THADA: variants seen among roughly 807,000 people sequenced by gnomAD.
THADA encodes tRNA (32-2'-O)-methyltransferase regulator THADA.
THADA carries 213 observed loss-of-function variants against 219.8 expected under a neutral mutation model. The observed-to-expected ratio is 0.97, with a 90% confidence interval of 0.87 to 1.09. The LOEUF (loss-of-function observed/expected upper bound fraction) is 1.09. THADA is among the 50% of genes least tolerant of loss of function. The pLI, the probability that THADA is intolerant of heterozygous loss-of-function variation, is 0.00. For missense variants in THADA, 2,956 were observed against 2,311.3 expected, an observed-to-expected ratio of 1.28 and a Z score of -5.72; for synonymous variants, 1,018 against 828.9, an observed-to-expected ratio of 1.23 and a Z score of -3.92.
chr2:43,589,034 T>C (rs922870456), intron 4 of THADA, among the ~76,000 whole-genome samples: 1 of 152,168 alleles, frequency 6.6e-6, no homozygotes, highest in Non-Finnish European at 1.5e-5. Context: ...CTGGTGGGAA[T>C]GTAAAATGTT....
intron 19 of THADA, among the ~76,000 whole-genome samples, chr2:43,550,101 G>T (rs1478220934): frequency 6.6e-6 from 1 of 152,170 alleles, no homozygotes; most frequent in African/African-American, 2.4e-5. Context: ...TCATTACTGA[G>T]TGACGAGTGC....
chr2:43,241,299 G>A (rs1243613171), intron 36 of THADA, among the ~76,000 whole-genome samples: 1 of 151,762 alleles, frequency 6.6e-6, no homozygotes, highest in African/African-American at 2.4e-5. Context: ...ACGTGGCCCA[G>A]GTTGGTCTTA....
intron 26 of THADA, among the ~76,000 whole-genome samples, chr2:43,433,008 A>T: frequency 6.6e-6 from 1 of 152,094 alleles, no homozygotes; most frequent in East Asian, 1.9e-4. Flanking sequence ...TTTCTTTATG[A>T]TTCATGCTTT....
At chr2:43,537,464 T>C (rs889589259) in intron 21 of THADA, among the ~76,000 whole-genome samples, 2 of 152,194 alleles carry the variant, frequency 1.3e-5, no homozygotes, top group Non-Finnish European at 2.9e-5. Context: ...GAACTTGCAT[T>C]GAGTGCAATT....
chr2:43,588,366 C>T (rs963102975), intron 4 of THADA, among the ~76,000 whole-genome samples: 1 of 150,370 alleles, frequency 6.7e-6, no homozygotes, highest in South Asian at 2.1e-4. Context: ...GCACATATAG[C>T]AAGGTATAAA....
intron 31 of THADA, among the ~76,000 whole-genome samples, chr2:43,319,727 G>A (rs1042362279): frequency 6.6e-6 from 1 of 152,156 alleles, no homozygotes; most frequent in South Asian, 2.1e-4. Context: ...TAATCAATTA[G>A]AAGAGGCTGA....
chr2:43,524,706 G>A (rs1692939859), intron 22 of THADA, among the ~76,000 whole-genome samples: 1 of 152,120 alleles, frequency 6.6e-6, no homozygotes, highest in African/African-American at 2.4e-5. Flanking sequence ...GTCTCTAAAG[G>A]GATCAAGAAC....
intron 34 of THADA, 58 bp from the exon 35 acceptor site, chr2:43,287,119 G>A: frequency 6.6e-7 from 1 of 1,523,070 alleles, no homozygotes; most frequent in South Asian, 1.2e-5. Context: ...GGCTGACACA[G>A]AATTAGGGGT....
chr2:43,237,841 G>A (rs1226298923), intron 36 of THADA, among the ~76,000 whole-genome samples: 4 of 151,702 alleles, frequency 2.6e-5, no homozygotes, highest in African/African-American at 9.7e-5. Flanking sequence ...TGTCAGACTG[G>A]GTGCTGTGGC....
intron 7 of THADA, among the ~76,000 whole-genome samples, chr2:43,583,588 G>C (rs1218971200): frequency 6.6e-6 from 1 of 152,144 alleles, no homozygotes; most frequent in African/African-American, 2.4e-5. Flanking sequence ...TAAAAGCAGA[G>C]ACTCAAAGAT....
chr2:43,573,451 G>A (rs542985848), intron 11 of THADA, among the ~76,000 whole-genome samples: 1 of 152,284 alleles, frequency 6.6e-6, no homozygotes, highest in East Asian at 1.9e-4. Flanking sequence ...GGTTTCAGAG[G>A]CTAGGACGTC....
chr2:43,281,523 C>T (rs566393736), intron 35 of THADA, among the ~76,000 whole-genome samples: 88 of 151,258 alleles, frequency 5.8e-4, no homozygotes, highest in Non-Finnish European at 9.7e-4. Flanking sequence ...CTCACCGCAA[C>T]CTCCACCTCC....
intron 28 of THADA, among the ~76,000 whole-genome samples, chr2:43,414,606 G>C (rs769268732): frequency 7.2e-5 from 11 of 152,100 alleles, no homozygotes; most frequent in Admixed American, 2.0e-4. Context: ...ACTATTCCTT[G>C]ACCTTTGGGA....
chr2:43,238,466 T>G (rs1668292619), intron 36 of THADA, among the ~76,000 whole-genome samples: 1 of 152,182 alleles, frequency 6.6e-6, no homozygotes, highest in Admixed American at 6.5e-5. Flanking sequence ...TAAAAAAAAG[T>G]TAAGTTTTGG....
At chr2:43,471,990 T>C (rs1484650349) in intron 26 of THADA, among the ~76,000 whole-genome samples, 1 of 152,220 alleles carries the variant, frequency 6.6e-6, no homozygotes, top group East Asian at 1.9e-4. Flanking sequence ...CCAAGAAACA[T>C]GTTTCCTTTT....
chr2:43,583,902 T>G (rs545082472), intron 7 of THADA, among the ~76,000 whole-genome samples: 102 of 151,742 alleles, frequency 6.7e-4, no homozygotes, highest in Non-Finnish European at 1.4e-3. Flanking sequence ...AAACAGGGCA[T>G]AGTGGCGGAC....
At chr2:43,239,935 C>T (rs893996398) in intron 36 of THADA, among the ~76,000 whole-genome samples, 1 of 152,164 alleles carries the variant, frequency 6.6e-6, no homozygotes, top group African/African-American at 2.4e-5. Flanking sequence ...GTGTGGAGGA[C>T]GCTGTGTGAA....
intron 22 of THADA, among the ~76,000 whole-genome samples, chr2:43,513,181 T>C (rs1490631541): frequency 6.6e-6 from 1 of 152,214 alleles, no homozygotes; most frequent in Non-Finnish European, 1.5e-5. Flanking sequence ...TTAATGGTCA[T>C]TTTCTAAAAT....
At chr2:43,291,872 G>T (rs188339755) in intron 33 of THADA, 104 bp from the exon 34 acceptor site, 2 of 1,054,004 alleles carry the variant, frequency 1.9e-6, no homozygotes, top group African/African-American at 3.3e-5. Flanking sequence ...GGTGAATACT[G>T]AAAATCTCTA....
Sources: allele counts gnomAD v4.1 joint callset (sites outside exome capture counted in the v4.1 genomes callset), GRCh38; gene constraint gnomAD v4.1.1; transcripts MANE v1.5; gene names NCBI Gene and HGNC (gene_info 2026-07-23, HGNC 2026-07-21).